Variants in PROS1 observed in about 807,000 individuals in gnomAD.
PROS1 encodes the protein protein S, also known as vitamin K-dependent protein S.
Under a neutral mutation model 75.9 loss-of-function variants are expected in PROS1, and 29 were observed. The ratio of observed to expected loss-of-function variants is 0.38; its 90% CI spans 0.28 to 0.52. The LOEUF (loss-of-function observed/expected upper bound fraction) is 0.52. PROS1 is among the 20% of genes least tolerant of loss of function. PROS1 has a pLI of 0.83. For missense variants in PROS1, 680 were observed against 810.3 expected (o/e 0.84, Z 1.95); for synonymous variants, 245 against 280.6 (o/e 0.87, Z 1.27).
At chr3:93,947,919 G>A (rs1371088357) in intron 1 of PROS1, among the ~76,000 whole-genome samples, 2 of 152,066 alleles carry the variant, frequency 1.3e-5, no homozygotes, top group Admixed American at 1.3e-4. Flanking sequence ...CCTTGGCATT[G>A]CCCTTGCACA....
At chr3:93,965,989 C>T (rs186826349) in intron 1 of PROS1, among the ~76,000 whole-genome samples, 1 of 152,276 alleles carries the variant, frequency 6.6e-6, no homozygotes, top group East Asian at 1.9e-4. Flanking sequence ...AGGCATGAGC[C>T]ACTGCGCCTG....
intron 1 of PROS1, among the ~76,000 whole-genome samples, chr3:93,931,758 C>T (rs1709109413): frequency 6.6e-6 from 1 of 152,148 alleles, no homozygotes; most frequent in Non-Finnish European, 1.5e-5. Flanking sequence ...CCACTTTCAG[C>T]CAAAGAACAC....
chr3:93,941,076 C>G (rs1709279917), intron 1 of PROS1, among the ~76,000 whole-genome samples: 1 of 152,166 alleles, frequency 6.6e-6, no homozygotes, highest in Non-Finnish European at 1.5e-5. Context: ...TACCCTGACA[C>G]CCATCAGTCC....
rs563089648 is a variant in PROS1 at position 93,918,009 on chromosome 3, C to T, written c.259+6231G>A. ...ACTGGCAGGCAGCTCCACCTGCAGC[C>T]CCAGTGCAGGATCCACTGGGTTAAG... On this transcript the variant is annotated intron_variant, in intron 3 of 14. Transcript: ENST00000394236. 2.6e-3 allele frequency among the ~76,000 whole-genome samples: 390 copies of T among 152,304 alleles called. 1 individual carries two copies. The highest frequency in any genetic ancestry group is 8.9e-3 in the African/African-American group (370 of 41,582).
intron 1 of PROS1, among the ~76,000 whole-genome samples, chr3:93,970,387 A>G (rs1709859334): frequency 6.6e-6 from 1 of 152,166 alleles, no homozygotes; most frequent in Non-Finnish European, 1.5e-5. Flanking sequence ...CCCAGGCTGG[A>G]GTGCAGTGGC....
At chr3:93,897,670 T>C (rs758937889) in intron 8 of PROS1, among the ~76,000 whole-genome samples, 1 of 152,050 alleles carries the variant, frequency 6.6e-6, no homozygotes, top group Non-Finnish European at 1.5e-5. Context: ...GCAACAGCTA[T>C]AGAGGTATGT....
chr3:93,949,853 C>T (rs1709464493), intron 1 of PROS1, among the ~76,000 whole-genome samples: 1 of 152,124 alleles, frequency 6.6e-6, no homozygotes, highest in African/African-American at 2.4e-5. Context: ...GTGGGTGCAG[C>T]CCACAGAGTG....
At chr3:93,890,133 G>A (rs1708411108) in intron 10 of PROS1, among the ~76,000 whole-genome samples, 1 of 152,104 alleles carries the variant, frequency 6.6e-6, no homozygotes. Flanking sequence ...TTGGGATAAG[G>A]ACTGAAATAC....
intron 1 of PROS1, among the ~76,000 whole-genome samples, chr3:93,944,220 T>G (rs1462682073): frequency 6.6e-6 from 1 of 152,092 alleles, no homozygotes; most frequent in African/African-American, 2.4e-5. Context: ...AGAAGAAAAC[T>G]ACACCTGCCA....
intron 7 of PROS1, among the ~76,000 whole-genome samples, chr3:93,899,827 T>C (rs569495147): frequency 4.9e-4 from 74 of 152,340 alleles, no homozygotes; most frequent in African/African-American, 1.7e-3. Flanking sequence ...AGAGTTTCTG[T>C]TGGGGCTGAT....
At chr3:93,880,064 G>A (rs1489972242) in intron 12 of PROS1, among the ~76,000 whole-genome samples, 5 of 152,124 alleles carry the variant, frequency 3.3e-5, no homozygotes, top group South Asian at 4.1e-4. Context: ...CATTTAATAT[G>A]ATGTAACATA....
intron 1 of PROS1, among the ~76,000 whole-genome samples, chr3:93,971,653 A>ACACACG (rs1553821430): frequency 1.3e-5 from 2 of 151,102 alleles, no homozygotes; most frequent in East Asian, 3.9e-4. Context: ...ACACACACAC[A>ACACACG]CACACACACA....
At chr3:93,916,458 C>G (rs1274703922) in intron 3 of PROS1, among the ~76,000 whole-genome samples, 1 of 152,128 alleles carries the variant, frequency 6.6e-6, no homozygotes, top group Non-Finnish European at 1.5e-5. Flanking sequence ...ATATAGAAGC[C>G]TACATTAATA....
In PROS1 at chr3:93,894,842, C is replaced by T. The variant is rs752434956; in HGVS notation, c.966-1720G>A. Reference sequence around the variant, plus strand: ...TACATTTAATCTAATGTGTACATATCGGTACATACTTTATATTTCAATGAA... The same window carrying T: ...TACATTTAATCTAATGTGTACATATTGGTACATACTTTATATTTCAATGAA... On this transcript the variant is annotated intron_variant, in intron 9 of 14. Transcript: ENST00000394236. 4.4e-4 allele frequency among the ~76,000 whole-genome samples: 67 copies of T among 152,138 alleles called. 1 individual carries two copies. The highest frequency in any genetic ancestry group is 1.3e-3 in the African/African-American group (55 of 41,522).
At chr3:93,915,341 C>T (rs965826121) in intron 3 of PROS1, among the ~76,000 whole-genome samples, 1 of 152,128 alleles carries the variant, frequency 6.6e-6, no homozygotes, top group Non-Finnish European at 1.5e-5. Flanking sequence ...TGGCACACAC[C>T]TGTAATCCTA....
chr3:93,901,467 G>C (rs1397882509), intron 6 of PROS1, among the ~76,000 whole-genome samples: 1 of 152,102 alleles, frequency 6.6e-6, no homozygotes, highest in Non-Finnish European at 1.5e-5. Context: ...AGAAATTTCA[G>C]ATGCATATAT....
In PROS1 at chr3:93,973,835, T is replaced by G. The variant is rs1343343377; in HGVS notation, c.-86A>C. 75 of 1,221,720 alleles carry G rather than the reference T, an allele frequency of 6.1e-5. No homozygotes were observed. In the Admixed American group the frequency reaches 1.7e-3, roughly 28 times the overall value. The allele number at this position is 1,221,720 out of a possible 1,614,324, so 75.7% of individuals were successfully genotyped here. A position where few individuals can be genotyped will look rare whatever the true frequency, so the allele number is the denominator to read the frequency against. Reference sequence around the variant, plus strand: ...TAGGCGCCGCGGAGCTGCGAGCCTGTGCGCCTCGGTCTGAGCCGTGCTGCG... The same window carrying G: ...TAGGCGCCGCGGAGCTGCGAGCCTGGGCGCCTCGGTCTGAGCCGTGCTGCG... On this transcript the variant is annotated 5_prime_UTR_variant, in exon 1 of 15. Coordinates refer to ENST00000394236, the MANE Select transcript of PROS1 (RefSeq NM_000313.4).
chr3:93,929,947 A>G (rs1040234237), intron 1 of PROS1, among the ~76,000 whole-genome samples: 1 of 152,210 alleles, frequency 6.6e-6, no homozygotes, highest in Non-Finnish European at 1.5e-5. Context: ...CCTGGTAAAC[A>G]ATAAGCAATA....
intron 1 of PROS1, chr3:93,928,653 A>G (rs769975734): frequency 1.9e-5 from 14 of 742,314 alleles, no homozygotes; most frequent in Non-Finnish European, 2.8e-5. Flanking sequence ...CAATAAAAAT[A>G]ACATAACAAA....
Sources: allele counts gnomAD v4.1 joint callset (sites outside exome capture counted in the v4.1 genomes callset), GRCh38; gene constraint gnomAD v4.1.1; transcripts MANE v1.5; gene names NCBI Gene and HGNC (gene_info 2026-07-23, HGNC 2026-07-21).